CACNB4: variants seen among roughly 807,000 people sequenced by gnomAD.
The protein encoded by CACNB4 is calcium voltage-gated channel auxiliary subunit beta 4, also known as voltage-dependent L-type calcium channel subunit beta-4.
A neutral mutation model predicts 71.2 loss-of-function variants in CACNB4; 32 were observed. That is an observed-to-expected ratio of 0.45 (90% CI 0.34 to 0.60). The LOEUF (loss-of-function observed/expected upper bound fraction) is 0.60, where lower values mean the gene tolerates loss of function less well. CACNB4 is among the 20% of genes least tolerant of loss of function. CACNB4 has a pLI of 0.01. For missense variants in CACNB4, 464 were observed against 647.9 expected (o/e 0.72, Z 3.08); for synonymous variants, 231 against 236.9 (o/e 0.97, Z 0.23).
At chr2:151,878,438 C>T (rs1437859993) in intron 4 of CACNB4, among the ~76,000 whole-genome samples, 2 of 151,992 alleles carry the variant, frequency 1.3e-5, no homozygotes, top group African/African-American at 2.4e-5. Context: ...AAATTGAGGG[C>T]TGGCCATGGT....
At chr2:152,044,974 G>T (rs1162947862) in intron 2 of CACNB4, among the ~76,000 whole-genome samples, 1 of 152,176 alleles carries the variant, frequency 6.6e-6, no homozygotes, top group Non-Finnish European at 1.5e-5. Flanking sequence ...GTGGGGGGTT[G>T]GTGGGGCGGA....
rs192425620 is a variant in CACNB4 at position 151,913,665 on chromosome 2, C to G, written c.148-30295G>C. Among the ~76,000 whole-genome samples the G allele has an allele frequency of 5.3e-5, 8 of 149,700 alleles. 1 individual carries two copies. Among genetic ancestry groups the G allele is most frequent in the Admixed American group, 4.7e-4 (7 of 14,768 alleles). On this transcript the variant is annotated intron_variant, in intron 2 of 13. Transcript: ENST00000539935. ...TCTGTAGTCCCAGCTACTCAGGAGG[C>G]TGAGGCAGGCGAATGGCATGAACCC... is the stretch of plus-strand genomic sequence containing the variant.
rs2099834174 is a variant in CACNB4 at position 151,833,193 on chromosome 2, G to GA, written c.*5925dup. 1 of 152,080 alleles carries GA rather than the reference G, an allele frequency of 6.6e-6. No homozygotes were observed. Among genetic ancestry groups the GA allele is most frequent in the Admixed American group, 6.5e-5 (1 of 15,278 alleles). 9.4% of individuals were successfully genotyped at this position (152,080 alleles called of 1,614,324 possible). A position where few individuals can be genotyped will look rare whatever the true frequency, so the allele number is the denominator to read the frequency against. On this transcript the variant is annotated 3_prime_UTR_variant, in exon 14 of 14. Transcript: ENST00000539935. ...ATTTCAACAGCCCTCAGAATAGTAG[G>GA]AAAAATCTTTTTACATCATTTTGCC...
chr2:151,879,034 A>C (rs1409877091), intron 4 of CACNB4, among the ~76,000 whole-genome samples: 1 of 152,250 alleles, frequency 6.6e-6, no homozygotes, highest in East Asian at 1.9e-4. Context: ...GGCCTAAAAT[A>C]ATAGGTCTGT....
At chr2:151,934,842 A>C (rs371957933) in intron 2 of CACNB4, among the ~76,000 whole-genome samples, 52 of 152,366 alleles carry the variant, frequency 3.4e-4, no homozygotes, top group African/African-American at 1.2e-3. Flanking sequence ...TCTCAAAAAA[A>C]AGAAAAAATC....
intron 2 of CACNB4, among the ~76,000 whole-genome samples, chr2:152,027,734 T>G (rs1351303465): frequency 6.6e-6 from 1 of 150,980 alleles, no homozygotes; most frequent in African/African-American, 2.4e-5. Flanking sequence ...CGCCTATAAT[T>G]CCAGCTACTC....
rs112188604 is a variant in CACNB4, at chr2:152,082,480, G to T, written c.147+15850C>A. Among the ~76,000 whole-genome samples, 977 of 152,284 alleles carry T rather than the reference G, an allele frequency of 6.4e-3. 8 individuals are homozygous for T. The highest frequency in any genetic ancestry group is 0.022 in the African/African-American group (916 of 41,546). ...CCAAAGTCCTTGATGCTTGAGTCCCGCAGTCAGCCTGCAGAACCCTCAGAC... is the reference window on the plus strand; with the variant it reads ...CCAAAGTCCTTGATGCTTGAGTCCCTCAGTCAGCCTGCAGAACCCTCAGAC... On this transcript the variant is annotated intron_variant, in intron 2 of 13. Coordinates refer to ENST00000539935, the MANE Select transcript of CACNB4 (RefSeq NM_000726.5).
intron 2 of CACNB4, among the ~76,000 whole-genome samples, chr2:151,927,498 T>C (rs1263572338): frequency 2.0e-5 from 3 of 152,152 alleles, no homozygotes; most frequent in Admixed American, 2.0e-4. Context: ...AGAAGCAAGG[T>C]CATCAGCTGA....
At chr2:151,971,326 CCCCCACACA>C (rs2099872482) in intron 2 of CACNB4, 1 of 594,450 alleles carries the variant, frequency 1.7e-6, no homozygotes, top group Non-Finnish European at 3.0e-6. Flanking sequence ...CACAAGTTAA[CCCCCACACA>C]CCCCACAAAG....
intron 2 of CACNB4, among the ~76,000 whole-genome samples, chr2:151,982,830 G>A (rs2099874962): frequency 6.6e-6 from 1 of 152,144 alleles, no homozygotes; most frequent in South Asian, 2.1e-4. Context: ...GGGGTCTCTT[G>A]TTGAGCGGCT....
intron 5 of CACNB4, chr2:151,874,853 GACCTTTAAAT>G: frequency 2.5e-6 from 1 of 396,538 alleles, no homozygotes; most frequent in Non-Finnish European, 4.4e-6. Context: ...GTGTTCCTGG[GACCTTTAAAT>G]ACCTGCACTC....
intron 2 of CACNB4, among the ~76,000 whole-genome samples, chr2:152,043,934 G>C (rs79098743): frequency 6.6e-6 from 1 of 152,118 alleles, no homozygotes; most frequent in Admixed American, 6.6e-5. Flanking sequence ...AGCCGGGCTT[G>C]ATGGCACATT....
rs61703947 is a variant in CACNB4, at chr2:152,049,916, T to C, written c.147+48414A>G. On this transcript the variant is annotated intron_variant, in intron 2 of 13. Coordinates refer to ENST00000539935, the MANE Select transcript of CACNB4 (RefSeq NM_000726.5). Reference sequence around the variant, plus strand: ...TCATTAACCTACAGTGAGGAACTTCTACTGAGGGCCAAATGTGTCGACTTG... The same window carrying C: ...TCATTAACCTACAGTGAGGAACTTCCACTGAGGGCCAAATGTGTCGACTTG... Among the ~76,000 whole-genome samples, 9 of 152,376 alleles carry C rather than the reference T, an allele frequency of 5.9e-5. No individual in the cohort carries two copies. In the East Asian group the frequency reaches 1.7e-3, roughly 29 times the overall value.
At chr2:151,905,602 C>T (rs1019202834) in intron 2 of CACNB4, among the ~76,000 whole-genome samples, 3 of 152,120 alleles carry the variant, frequency 2.0e-5, no homozygotes, top group Admixed American at 6.5e-5. Context: ...GATCAGGTTC[C>T]GTTTATTTAC....
intron 2 of CACNB4, among the ~76,000 whole-genome samples, chr2:152,067,657 G>A (rs1010758026): frequency 6.6e-6 from 1 of 152,146 alleles, no homozygotes; most frequent in African/African-American, 2.4e-5. Flanking sequence ...AGCTATAAAG[G>A]CAAGTGGCCT....
In CACNB4 at chr2:151,920,961, A is replaced by AC. The variant is rs562387211; in HGVS notation, c.148-37592dup. 1.1e-4 allele frequency among the ~76,000 whole-genome samples: 17 copies of AC among 151,892 alleles called. No homozygotes were observed. The East Asian group carries it at 1.4e-3, about 12-fold the overall frequency. ...AGACCATCCTGGCTAACACAGTGAA[A>AC]CCCCGTCTCTACTAAAAATACAAAA... On this transcript the variant is annotated intron_variant, in intron 2 of 13. Coordinates refer to ENST00000539935, the MANE Select transcript of CACNB4 (RefSeq NM_000726.5).
In CACNB4 at chr2:151,835,947, C is replaced by G. The variant is rs938308719; in HGVS notation, c.*3172G>C. 6.6e-6 allele frequency: 1 copy of G among 151,778 alleles called. No homozygotes were observed. The highest frequency in any genetic ancestry group is 1.5e-5 in the Non-Finnish European group (1 of 67,710). 9.4% of individuals were successfully genotyped at this position (151,778 alleles called of 1,614,324 possible). On this transcript the variant is annotated 3_prime_UTR_variant, in exon 14 of 14. Coordinates refer to ENST00000539935, the MANE Select transcript of CACNB4 (RefSeq NM_000726.5). ...GACTTATATAGTCACAAAATTAAGACTCTTATTAGGAAAGACCATCATCTA... is the reference window on the plus strand; with the variant it reads ...GACTTATATAGTCACAAAATTAAGAGTCTTATTAGGAAAGACCATCATCTA...
intron 2 of CACNB4, among the ~76,000 whole-genome samples, chr2:152,035,643 CTCTCTCTCTA>C (rs1442991024): frequency 7.7e-6 from 1 of 129,068 alleles, no homozygotes; most frequent in Non-Finnish European, 1.6e-5. Context: ...CTCTCTCTCT[CTCTCTCTCTA>C]TATATATATA....
In CACNB4 at chr2:151,874,097, T is replaced by C. The variant is rs866327169; in HGVS notation, c.522-1604A>G. On this transcript the variant is annotated intron_variant, in intron 5 of 13. Transcript: ENST00000539935. Reference sequence around the variant, plus strand: ...TCCCTGAGACCTCCCCAGAAGCAGATGCTGCCATGCTTCCTTTACAGTCTA... The same window carrying C: ...TCCCTGAGACCTCCCCAGAAGCAGACGCTGCCATGCTTCCTTTACAGTCTA... 25 of 152,222 alleles carry C rather than the reference T, an allele frequency of 1.6e-4. 1 individual carries two copies. The Middle Eastern group carries it at 0.013, about 82-fold the overall frequency. 9.4% of individuals were successfully genotyped at this position (152,222 alleles called of 1,614,324 possible).
Sources: allele counts gnomAD v4.1 joint callset (sites outside exome capture counted in the v4.1 genomes callset), GRCh38; gene constraint gnomAD v4.1.1; transcripts MANE v1.5; gene names NCBI Gene and HGNC (gene_info 2026-07-23, HGNC 2026-07-21).